Variants in CPB1 observed in about 807,000 individuals in gnomAD.
CPB1 encodes the protein carboxypeptidase B1.
Under a neutral mutation model 51.4 loss-of-function variants are expected in CPB1, and 53 were observed. The ratio of observed to expected loss-of-function variants is 1.03; its 90% CI spans 0.83 to 1.30. CPB1 has a LOEUF of 1.30. Among genes scored for constraint, CPB1 ranks in the 50% most tolerant of loss-of-function variants. The pLI is 0.00. For synonymous variants in CPB1, 189 were observed against 186.9 expected, an observed-to-expected ratio of 1.01 and a Z score of -0.09; for missense variants, 494 against 516.2, an observed-to-expected ratio of 0.96 and a Z score of 0.42.
chr3:148,840,046 A>G (rs1713030302), intron 3 of CPB1, among the ~76,000 whole-genome samples: 1 of 152,156 alleles, frequency 6.6e-6, no homozygotes, highest in Non-Finnish European at 1.5e-5. Flanking sequence ...ACCACTTTTC[A>G]TATTACCTTG....
At position 148,828,033 on chromosome 3, in the gene CPB1, G is replaced by A. The variant is rs1712622341; in HGVS notation, c.103G>A (p.Glu35Lys). Residue 35 changes from glutamate to lysine, a missense_variant, in exon 2 of 11, where the codon GAA becomes AAA. Physicochemically the swap from Glu to Lys is moderately conservative, Grantham distance 56. Coordinates refer to ENST00000282957, the MANE Select transcript of CPB1 (RefSeq NM_001871.3). ...EKVFRVNVED[E>K]NHINIIRELA... Reference sequence around the variant, plus strand: ...GGTGTTCCGTGTTAACGTTGAAGATGAAAATCACATTAACATAATCCGCGA... The same window carrying A: ...GGTGTTCCGTGTTAACGTTGAAGATAAAAATCACATTAACATAATCCGCGA... The A allele has an allele frequency of 6.2e-7, 1 of 1,613,940 alleles. No individual in the cohort carries two copies. Among genetic ancestry groups the A allele is most frequent in the Non-Finnish European group, 8.5e-7 (1 of 1,179,982 alleles).
At chr3:148,841,744 G>A (rs1049783350) in intron 5 of CPB1, 79 bp from the exon 6 acceptor site, 28 of 1,099,150 alleles carry the variant, frequency 2.5e-5, no homozygotes, top group Non-Finnish European at 3.6e-5. Context: ...TGAGTCTCAA[G>A]CCCAGATGGG....
chr3:148,828,080 A>G lies in CPB1; in HGVS notation c.147+3A>G. ...GCGAGTTGGCCAGCACGACCCAGGT[A>G]AGTAACAATTTTGATTTACTTCACA... On this transcript the variant is annotated splice_donor_region_variant and intron_variant, in intron 2 of 10. Transcript: ENST00000282957. The G allele has an allele frequency of 6.2e-7, 1 of 1,611,670 alleles. No homozygotes were observed. The highest frequency in any genetic ancestry group is 1.1e-5 in the South Asian group (1 of 90,884).
At chr3:148,858,209 G>T (rs910011005) in intron 10 of CPB1, among the ~76,000 whole-genome samples, 1 of 152,122 alleles carries the variant, frequency 6.6e-6, no homozygotes, top group African/African-American at 2.4e-5. Flanking sequence ...CACAGTATCA[G>T]AATTAACTTC....
intron 9 of CPB1, among the ~76,000 whole-genome samples, chr3:148,850,287 T>TTTTG (rs1670891955): frequency 6.6e-6 from 1 of 151,664 alleles, no homozygotes; most frequent in African/African-American, 2.4e-5. Flanking sequence ...TGAAGTTTTT[T>TTTTG]TTGTTTGTTT....
At chr3:148,844,842 T>A in intron 8 of CPB1, 75 bp downstream of exon 8, 2 of 1,295,914 alleles carry the variant, frequency 1.5e-6, no homozygotes, top group African/African-American at 1.5e-5. Flanking sequence ...CACAACAGTA[T>A]CTAAAATAAA....
At chr3:148,844,612 G>A (rs13318853) in intron 7 of CPB1, 24 bp downstream of exon 7, 373,434 of 1,610,306 alleles carry the variant, frequency 0.23, 44,498 homozygotes, top group African/African-American at 0.31. Context: ...TACTGAGAGA[G>A]GCTGATGAAA....
At chr3:148,828,691 T>C (rs917785436) in intron 2 of CPB1, among the ~76,000 whole-genome samples, 1 of 152,240 alleles carries the variant, frequency 6.6e-6, no homozygotes, top group Admixed American at 6.5e-5. Context: ...GTATACAATG[T>C]GGCAGGAAGC....
At chr3:148,845,991 C>T (rs780200925) in intron 9 of CPB1, among the ~76,000 whole-genome samples, 25 of 151,960 alleles carry the variant, frequency 1.6e-4, no homozygotes, top group Non-Finnish European at 3.4e-4. Flanking sequence ...TGTGAAGCTG[C>T]CCTGAGCTGA....
Position 148,860,085 on chromosome 3 carries a change from T to G in CPB1, c.*83T>G, listed in dbSNP as rs918159380. ...GAATTCTTATTTTGGTTTGCCTGGA[T>G]GTTTTGCAGATCCCAATCTTTCTTT... On this transcript the variant is annotated 3_prime_UTR_variant, in exon 11 of 11. Coordinates refer to ENST00000282957, the MANE Select transcript of CPB1 (RefSeq NM_001871.3). 28 of 1,357,478 alleles carry G rather than the reference T, an allele frequency of 2.1e-5. No homozygotes were observed. In the South Asian group the frequency reaches 3.3e-4, roughly 16 times the overall value. 84.1% of individuals were successfully genotyped at this position (1,357,478 alleles called of 1,614,324 possible).
chr3:148,840,725 G>A lies in CPB1; in HGVS notation c.312G>A (p.Gln104=), dbSNP rs1362907819. The A allele has an allele frequency of 6.2e-7, 1 of 1,614,204 alleles. No individual in the cohort carries two copies. Among genetic ancestry groups the A allele is most frequent in the Non-Finnish European group, 8.5e-7 (1 of 1,180,014 alleles). Residue 104 remains glutamine (Q), a synonymous_variant, in exon 4 of 11, where the codon CAG becomes CAA. Coordinates refer to ENST00000282957, the MANE Select transcript of CPB1 (RefSeq NM_001871.3). ...ACCTGAGAAATGTGGTGGAGGCTCAGTTTGATAGCCGGGTTCGTGCAACAG... is the reference window on the plus strand; with the variant it reads ...ACCTGAGAAATGTGGTGGAGGCTCAATTTGATAGCCGGGTTCGTGCAACAG... ...ISNLRNVVEA[Q]FDSRVRATGH...
chr3:148,845,405 A>G lies in CPB1; in HGVS notation c.779-19A>G. ...CTTCACTAGGTGATCCTTGCCATTA[A>G]CATCATATGTTTTTCCAGAAATTGG... On this transcript the variant is annotated intron_variant, in intron 8 of 10. Transcript: ENST00000282957. The G allele has an allele frequency of 3.1e-6, 5 of 1,610,666 alleles. No individual in the cohort carries two copies. Among genetic ancestry groups the G allele is most frequent in the East Asian group, 2.2e-5 (1 of 44,866 alleles).
At chr3:148,856,368 C>G (rs1319964335) in intron 9 of CPB1, 1 of 152,150 alleles carries the variant, frequency 6.6e-6, no homozygotes, top group Non-Finnish European at 1.5e-5. Flanking sequence ...ACGGCCACGC[C>G]CTCATCAGTT....
chr3:148,834,631 A>G lies in CPB1; in HGVS notation c.272+9A>G. ...AATGAACTACAATACAAGTAAGTTT[A>G]TGTTTTATAAATATTAAAATTCTCT... On this transcript the variant is annotated intron_variant, in intron 3 of 10. Coordinates refer to ENST00000282957, the MANE Select transcript of CPB1 (RefSeq NM_001871.3). 1 of 1,597,988 alleles carries G rather than the reference A, an allele frequency of 6.3e-7. No homozygotes were observed. Among genetic ancestry groups the G allele is most frequent in the Non-Finnish European group, 8.6e-7 (1 of 1,167,760 alleles).
intron 9 of CPB1, among the ~76,000 whole-genome samples, chr3:148,850,498 T>A (rs1012940799): frequency 6.6e-6 from 1 of 151,994 alleles, no homozygotes; most frequent in South Asian, 2.1e-4. Flanking sequence ...GAGATGGGGT[T>A]TCACCGTGTT....
In CPB1 at chr3:148,852,098, T is replaced by C. The variant is rs117236657; in HGVS notation, c.982-5359T>C. 2.0e-4 allele frequency among the ~76,000 whole-genome samples: 31 copies of C among 152,352 alleles called. No homozygotes were observed. The East Asian group carries it at 5.0e-3, about 25-fold the overall frequency. On this transcript the variant is annotated intron_variant, in intron 9 of 10. Transcript: ENST00000282957. ...GAACGTTCTGGGAATAAAGTGATGT[T>C]TTAGCAACAGTGACCTAGCAGAGGT...
At chr3:148,846,795 G>GTGTGTA (rs1371825496) in intron 9 of CPB1, among the ~76,000 whole-genome samples, 1,863 of 40,242 alleles carry the variant, frequency 0.046, 167 homozygotes, top group African/African-American at 0.08. Context: ...GTGTGTGCGT[G>GTGTGTA]TGTATATATA....
chr3:148,850,463 G>C (rs561432171), intron 9 of CPB1, among the ~76,000 whole-genome samples: 2 of 151,832 alleles, frequency 1.3e-5, no homozygotes, highest in South Asian at 2.1e-4. Flanking sequence ...CACCACACCC[G>C]GCTAATTTTT....
chr3:148,828,684 T>C (rs77805149), intron 2 of CPB1, among the ~76,000 whole-genome samples: 3,323 of 152,306 alleles, frequency 0.022, 124 homozygotes, highest in African/African-American at 0.076. Context: ...AAACTGCGTA[T>C]ACAATGTGGC....
Sources: gnomAD v4.1 joint callset for allele counts (sites outside exome capture counted in the v4.1 genomes callset) on GRCh38, gnomAD v4.1.1 for gene constraint, MANE v1.5 for transcripts, NCBI Gene and HGNC (gene_info 2026-07-23, HGNC 2026-07-21) for gene names.